Variants in SPIN1 observed in about 807,000 individuals in gnomAD.
SPIN1 encodes spindlin-1.
SPIN1 carries 3 observed loss-of-function variants against 26.0 expected under a neutral mutation model. The observed-to-expected ratio is 0.12, with a 90% CI of 0.05 to 0.30. The LOEUF is 0.30. Among genes scored for constraint, SPIN1 ranks in the 10% least tolerant of loss-of-function variants. The probability of loss-of-function intolerance (pLI) is 1.00; values close to 1 mark genes in which losing one functional copy is unlikely to be tolerated. For synonymous variants in SPIN1, 101 were observed against 116.5 expected, an observed-to-expected ratio of 0.87 and a Z score of 0.86; for missense variants, 126 against 333.4, an observed-to-expected ratio of 0.38 and a Z score of 4.84.
intron 1 of SPIN1, among the ~76,000 whole-genome samples, chr9:88,405,998 TGTGTGTCTG>T (rs1468554252): frequency 6.1e-4 from 52 of 84,798 alleles, no homozygotes; most frequent in African/African-American, 4.2e-3. Flanking sequence ...GTGCCTGGCT[TGTGTGTCTG>T]TGTGTGTGTG....
At chr9:88,425,353 G>A (rs1273108435) in intron 1 of SPIN1, among the ~76,000 whole-genome samples, 1 of 152,062 alleles carries the variant, frequency 6.6e-6, no homozygotes, top group African/African-American at 2.4e-5. Flanking sequence ...CAGACCTGCT[G>A]TATCTCTAGG....
At chr9:88,454,212 C>G (rs1285574169) in intron 3 of SPIN1, among the ~76,000 whole-genome samples, 1 of 152,130 alleles carries the variant, frequency 6.6e-6, no homozygotes, top group Non-Finnish European at 1.5e-5. Context: ...ATATTTTAGA[C>G]TCTTTCCCAA....
intron 3 of SPIN1, among the ~76,000 whole-genome samples, chr9:88,452,733 G>T (rs911830893): frequency 7.9e-5 from 12 of 152,140 alleles, no homozygotes; most frequent in South Asian, 2.1e-4. Flanking sequence ...ACAGTACTTG[G>T]CATGGAACTT....
chr9:88,437,955 C>T (rs1005243916), intron 2 of SPIN1, among the ~76,000 whole-genome samples: 9 of 151,968 alleles, frequency 5.9e-5, no homozygotes, highest in Admixed American at 2.6e-4. Context: ...AGTTCAAGAC[C>T]AGCCTGGCCA....
intron 2 of SPIN1, among the ~76,000 whole-genome samples, chr9:88,445,770 C>T (rs1319035735): frequency 6.6e-6 from 1 of 151,654 alleles, no homozygotes; most frequent in East Asian, 1.9e-4. Flanking sequence ...AAATCCTGAC[C>T]TCAAATCATC....
chr9:88,440,734 C>A (rs886156692), intron 2 of SPIN1, among the ~76,000 whole-genome samples: 2 of 151,614 alleles, frequency 1.3e-5, no homozygotes, highest in Non-Finnish European at 2.9e-5. Flanking sequence ...TGCACGCCAC[C>A]ACGCCAAGCT....
At chr9:88,427,023 T>C (rs1349443754) in intron 2 of SPIN1, among the ~76,000 whole-genome samples, 3 of 152,200 alleles carry the variant, frequency 2.0e-5, no homozygotes. Context: ...AAAATTACAT[T>C]CATTCTTATT....
chr9:88,414,017 T>C (rs182428098), intron 1 of SPIN1, among the ~76,000 whole-genome samples: 17 of 137,806 alleles, frequency 1.2e-4, no homozygotes, highest in South Asian at 2.2e-4. Context: ...CCAGTACTTA[T>C]AGTTTATTAT....
At chr9:88,450,577 A>G (rs1021483925) in intron 3 of SPIN1, among the ~76,000 whole-genome samples, 5 of 152,204 alleles carry the variant, frequency 3.3e-5, no homozygotes, top group African/African-American at 1.2e-4. Flanking sequence ...TCCCTAAAGC[A>G]TAAGAAACGA....
chr9:88,436,915 C>A (rs1056152780), intron 2 of SPIN1, among the ~76,000 whole-genome samples: 1 of 151,628 alleles, frequency 6.6e-6, no homozygotes, highest in Non-Finnish European at 1.5e-5. Context: ...CAGGCGCCCG[C>A]CACTACGCCC....
intron 1 of SPIN1, among the ~76,000 whole-genome samples, chr9:88,403,158 T>A (rs985263229): frequency 3.9e-5 from 6 of 152,170 alleles, no homozygotes; most frequent in Non-Finnish European, 7.3e-5. Flanking sequence ...TTGTTGGTTA[T>A]TTGAGCTTGT....
intron 3 of SPIN1, chr9:88,457,838 C>T: frequency 1.0e-6 from 1 of 982,692 alleles, no homozygotes; most frequent in South Asian, 4.7e-5. Flanking sequence ...TGTGAAAATA[C>T]TACGCAAAAA....
intron 2 of SPIN1, among the ~76,000 whole-genome samples, chr9:88,437,019 C>T (rs1351343086): frequency 1.3e-5 from 2 of 152,064 alleles, no homozygotes; most frequent in East Asian, 3.9e-4. Context: ...CCCGCCTCGG[C>T]CTCCCAAAGT....
chr9:88,414,906 AT>A (rs973695158), intron 1 of SPIN1, among the ~76,000 whole-genome samples: 1 of 151,706 alleles, frequency 6.6e-6, no homozygotes, highest in Non-Finnish European at 1.5e-5. Context: ...GTGTTTAATA[AT>A]TTTTTTTGTT....
At chr9:88,425,569 T>C (rs969544055) in intron 1 of SPIN1, among the ~76,000 whole-genome samples, 1 of 151,378 alleles carries the variant, frequency 6.6e-6, no homozygotes, top group Admixed American at 6.6e-5. Flanking sequence ...TTCCAGCTAC[T>C]CCGGAGGCTG....
intron 3 of SPIN1, among the ~76,000 whole-genome samples, chr9:88,457,222 CTT>C (rs1383519131): frequency 5.3e-5 from 8 of 152,242 alleles, no homozygotes; most frequent in Admixed American, 4.6e-4. Flanking sequence ...TGTCACAAGT[CTT>C]TGTGACATTT....
chr9:88,429,351 T>C (rs1261792742), intron 2 of SPIN1, among the ~76,000 whole-genome samples: 1 of 152,024 alleles, frequency 6.6e-6, no homozygotes, highest in Admixed American at 6.6e-5. Flanking sequence ...GAGGGCTCAG[T>C]CCCATAAGAC....
chr9:88,409,473 G>T (rs1198223515), intron 1 of SPIN1, among the ~76,000 whole-genome samples: 1 of 151,926 alleles, frequency 6.6e-6, no homozygotes, highest in East Asian at 1.9e-4. Context: ...TTCTATCTCA[G>T]GCATCTTAGG....
At position 88,463,626 on chromosome 9, in the gene SPIN1, T is replaced by G. The variant is rs79267789; in HGVS notation, c.355+877T>G. ...TGTCCCTGGGATATAACGAGTTTCCTTAGGAAGTTAATTCTGCCTTAGTAG... is the reference window on the plus strand; with the variant it reads ...TGTCCCTGGGATATAACGAGTTTCCGTAGGAAGTTAATTCTGCCTTAGTAG... On this transcript the variant is annotated intron_variant, in intron 4 of 5. Coordinates refer to ENST00000375859, the MANE Select transcript of SPIN1 (RefSeq NM_006717.3). 5.8e-3 allele frequency among the ~76,000 whole-genome samples: 877 copies of G among 152,348 alleles called. 27 individuals carry two copies. In the East Asian group the frequency reaches 0.076, roughly 13 times the overall value.
Sources: allele counts gnomAD v4.1 joint callset (sites outside exome capture counted in the v4.1 genomes callset), GRCh38; gene constraint gnomAD v4.1.1; transcripts MANE v1.5; gene names NCBI Gene and HGNC (gene_info 2026-07-23, HGNC 2026-07-21).